The following KHDRBS2 variants were observed in gnomAD, a reference collection of about 807,000 sequenced individuals.
KHDRBS2 encodes KH RNA binding domain containing, signal transduction associated 2, also known as KH domain-containing, RNA-binding, signal transduction-associated protein 2.
KHDRBS2 carries 26 observed loss-of-function variants against 44.3 expected under a neutral mutation model. The observed-to-expected ratio is 0.59, with a 90% CI of 0.43 to 0.81. The LOEUF is 0.81. KHDRBS2 is among the 40% of genes least tolerant of loss of function. The pLI, the probability that KHDRBS2 is intolerant of heterozygous loss-of-function variation, is 0.00. For missense variants in KHDRBS2, 476 were observed against 433.1 expected, an observed-to-expected ratio of 1.10 and a Z score of -0.88; for synonymous variants, 194 against 151.1, an observed-to-expected ratio of 1.28 and a Z score of -2.08.
At chr6:62,061,239 T>A (rs1037793029) in intron 2 of KHDRBS2, among the ~76,000 whole-genome samples, 3 of 151,730 alleles carry the variant, frequency 2.0e-5, no homozygotes, top group Non-Finnish European at 4.4e-5. Flanking sequence ...GTGATTTTGC[T>A]CGTTAGTTGA....
intron 2 of KHDRBS2, among the ~76,000 whole-genome samples, chr6:62,060,299 G>A (rs1219676078): frequency 6.6e-6 from 1 of 151,756 alleles, no homozygotes; most frequent in Non-Finnish European, 1.5e-5. Context: ...CTGGGGGTGA[G>A]TGGGAAGTAG....
intron 6 of KHDRBS2, among the ~76,000 whole-genome samples, chr6:61,744,720 TC>T (rs1776625449): frequency 6.6e-6 from 1 of 152,130 alleles, no homozygotes; most frequent in African/African-American, 2.4e-5. Context: ...TTATCCTTTA[TC>T]CTTTTTTTTC....
At chr6:62,063,171 T>C (rs970423298) in intron 2 of KHDRBS2, among the ~76,000 whole-genome samples, 2 of 109,682 alleles carry the variant, frequency 1.8e-5, no homozygotes, top group African/African-American at 3.1e-5. Flanking sequence ...CAGGACCAGA[T>C]GGATTCACAG....
At chr6:62,118,628 A>C (rs1267725183) in intron 2 of KHDRBS2, among the ~76,000 whole-genome samples, 3 of 152,116 alleles carry the variant, frequency 2.0e-5, no homozygotes, top group Non-Finnish European at 4.4e-5. Context: ...GGAGAGGAAG[A>C]CCTACCCTCA....
At chr6:61,892,411 C>T (rs558096913) in intron 6 of KHDRBS2, among the ~76,000 whole-genome samples, 209 of 152,186 alleles carry the variant, frequency 1.4e-3, no homozygotes, top group African/African-American at 4.8e-3. Context: ...CTTTAAAGTT[C>T]ATATGGAACC....
At chr6:62,126,312 G>A (rs1407751469) in intron 2 of KHDRBS2, among the ~76,000 whole-genome samples, 2 of 152,218 alleles carry the variant, frequency 1.3e-5, no homozygotes, top group Non-Finnish European at 2.9e-5. Flanking sequence ...TGTCTTGGGT[G>A]CCAATACAGT....
chr6:62,148,734 T>C (rs1814467707), intron 2 of KHDRBS2, among the ~76,000 whole-genome samples: 1 of 152,074 alleles, frequency 6.6e-6, no homozygotes, highest in Non-Finnish European at 1.5e-5. Context: ...ACCCTTACAA[T>C]GTAAATTGAT....
intron 2 of KHDRBS2, among the ~76,000 whole-genome samples, chr6:62,166,682 T>C (rs1215362468): frequency 6.6e-6 from 1 of 152,064 alleles, no homozygotes; most frequent in Non-Finnish European, 1.5e-5. Flanking sequence ...TTTAAGTTGA[T>C]ATCAAATTCA....
At chr6:61,643,838 C>T in the KHDRBS2 span, among the ~76,000 whole-genome samples, 223 of 152,258 alleles carry the variant, frequency 1.5e-3, 3 homozygotes, top group African/African-American at 5.1e-3. Flanking sequence ...ATTCCATGCT[C>T]ATGGATAGGA....
intron 6 of KHDRBS2, among the ~76,000 whole-genome samples, chr6:61,825,680 T>G (rs1183722364): frequency 1.3e-5 from 2 of 152,136 alleles, no homozygotes; most frequent in African/African-American, 2.4e-5. Context: ...CATAAGGGTG[T>G]GGCACATTAT....
the KHDRBS2 span, chr6:61,574,474 T>A: frequency 8.0e-7 from 1 of 1,257,202 alleles, no homozygotes; most frequent in Non-Finnish European, 1.1e-6. Flanking sequence ...GCCCACAGGC[T>A]CTAACCTACC....
At chr6:62,200,517 C>T (rs958959509) in intron 1 of KHDRBS2, among the ~76,000 whole-genome samples, 2 of 152,108 alleles carry the variant, frequency 1.3e-5, no homozygotes, top group African/African-American at 2.4e-5. Context: ...GAGAAATGCA[C>T]ATCAAAACCA....
intron 5 of KHDRBS2, among the ~76,000 whole-genome samples, chr6:61,900,226 C>A (rs573530431): frequency 4.0e-5 from 6 of 151,864 alleles, no homozygotes; most frequent in Non-Finnish European, 8.8e-5. Flanking sequence ...CGGTGAGAAA[C>A]ATTTTGAGAT....
At chr6:61,561,333 C>T in the KHDRBS2 span, among the ~76,000 whole-genome samples, 2 of 152,128 alleles carry the variant, frequency 1.3e-5, no homozygotes, top group Admixed American at 6.5e-5. Context: ...TATTACAGTA[C>T]TGAATCTTAC....
intron 7 of KHDRBS2, among the ~76,000 whole-genome samples, chr6:61,710,726 C>G (rs1770360235): frequency 6.7e-6 from 1 of 150,086 alleles, no homozygotes; most frequent in African/African-American, 2.4e-5. Context: ...AAGATTCACC[C>G]TTTCTCACTT....
intron 6 of KHDRBS2, among the ~76,000 whole-genome samples, chr6:61,739,834 C>G (rs182535684): frequency 6.6e-6 from 1 of 151,900 alleles, no homozygotes; most frequent in African/African-American, 2.4e-5. Flanking sequence ...AACAGATACA[C>G]TAGACATAAA....
At chr6:62,029,621 T>C (rs956377436) in intron 3 of KHDRBS2, among the ~76,000 whole-genome samples, 1 of 151,898 alleles carries the variant, frequency 6.6e-6, no homozygotes, top group Admixed American at 6.6e-5. Flanking sequence ...TTACGTAAAA[T>C]AGCTGAGTGA....
chr6:62,234,316 AG>A (rs1833362673), intron 1 of KHDRBS2, among the ~76,000 whole-genome samples: 1 of 152,164 alleles, frequency 6.6e-6, no homozygotes, highest in African/African-American at 2.4e-5. Flanking sequence ...CGTGCAATAT[AG>A]GTTTATTACT....
intron 2 of KHDRBS2, among the ~76,000 whole-genome samples, chr6:62,115,153 T>A (rs1805912960): frequency 6.6e-6 from 1 of 152,196 alleles, no homozygotes; most frequent in Non-Finnish European, 1.5e-5. Context: ...AATTAATGTT[T>A]TCATAGCTGT....
Sources: gnomAD v4.1 joint callset for allele counts (sites outside exome capture counted in the v4.1 genomes callset) on GRCh38, gnomAD v4.1.1 for gene constraint, MANE v1.5 for transcripts, NCBI Gene and HGNC (gene_info 2026-07-23, HGNC 2026-07-21) for gene names.